Variants in LEPR observed in about 807,000 individuals in gnomAD.
LEPR encodes the protein leptin receptor.
Under a neutral mutation model 114.7 loss-of-function variants are expected in LEPR, and 56 were observed. The observed-to-expected ratio is 0.49, with a 90% CI of 0.39 to 0.61. The LOEUF is 0.61. Ranked by LOEUF, LEPR falls within the 20% of genes least tolerant of loss-of-function variation. The probability of loss-of-function intolerance (pLI) is 0.00; values close to 1 mark genes in which losing one functional copy is unlikely to be tolerated. For synonymous variants in LEPR, 443 were observed against 461.4 expected (o/e 0.96, Z 0.51); for missense variants, 1,202 against 1,352.9 (o/e 0.89, Z 1.75).
intron 2 of LEPR, among the ~76,000 whole-genome samples, chr1:65,506,284 A>G (rs1189392896): frequency 6.6e-6 from 1 of 152,216 alleles, no homozygotes; most frequent in African/African-American, 2.4e-5. Context: ...TAAAGAGGGA[A>G]GTAGTATCTG....
At chr1:65,537,017 T>C (rs1650824732) in intron 2 of LEPR, among the ~76,000 whole-genome samples, 1 of 152,174 alleles carries the variant, frequency 6.6e-6, no homozygotes, top group African/African-American at 2.4e-5. Flanking sequence ...ATGTATGCAA[T>C]CAATAACAAC....
rs574956662 is a variant in LEPR, at chr1:65,433,245, G to A, written c.-21+7867G>A. 3.8e-4 allele frequency: 370 copies of A among 985,372 alleles called. No homozygotes were observed. In the African/African-American group the frequency reaches 5.5e-3, roughly 15 times the overall value. The allele number at this position is 985,372 out of a possible 1,614,324, so 61.0% of individuals were successfully genotyped here. On this transcript the variant is annotated intron_variant, in intron 2 of 19. Transcript: ENST00000349533. ...CTGGCTTCTTCCCGAAGAGATATAG[G>A]AGCCATGTAAGCACGCAGTGGGTGA...
intron 2 of LEPR, among the ~76,000 whole-genome samples, chr1:65,470,694 T>G (rs188963867): frequency 3.9e-5 from 6 of 152,356 alleles, no homozygotes; most frequent in Admixed American, 3.9e-4. Context: ...AACTCTTTTA[T>G]CTATATGTAA....
chr1:65,570,363 G>A (rs1023124632), intron 3 of LEPR, 110 bp from the exon 4 acceptor site: 14 of 1,072,214 alleles, frequency 1.3e-5, no homozygotes, highest in Middle Eastern at 5.5e-4. Context: ...TGAGGACTTA[G>A]AAAGTTAAAT....
chr1:65,629,473 A>G (rs1371272858), intron 19 of LEPR: 13 of 286,254 alleles, frequency 4.5e-5, no homozygotes, highest in Non-Finnish European at 8.7e-5. Flanking sequence ...ATATGTGATT[A>G]CACTTCTCAG....
At chr1:65,424,443 G>A (rs1488120579) in intron 1 of LEPR, among the ~76,000 whole-genome samples, 1 of 152,194 alleles carries the variant, frequency 6.6e-6, no homozygotes, top group Non-Finnish European at 1.5e-5. Flanking sequence ...CTTCACTGGA[G>A]TTATGTGGAC....
At position 65,524,189 on chromosome 1, in the gene LEPR, T is replaced by G. The variant is rs192013087; in HGVS notation, c.-20-41357T>G. Among the ~76,000 whole-genome samples, 49 of 152,334 alleles carry G rather than the reference T, an allele frequency of 3.2e-4. 1 individual carries two copies. The highest frequency in any genetic ancestry group is 6.2e-4 in the Non-Finnish European group (42 of 68,026). ...ACAGCAGACCTAGGAAACTAATATG[T>G]TAGTTCGTACTGATTATTTAATTAA... On this transcript the variant is annotated intron_variant, in intron 2 of 19. Coordinates refer to ENST00000349533, the MANE Select transcript of LEPR (RefSeq NM_002303.6).
intron 2 of LEPR, among the ~76,000 whole-genome samples, chr1:65,503,642 A>G (rs1214686756): frequency 6.6e-6 from 1 of 152,166 alleles, no homozygotes; most frequent in African/African-American, 2.4e-5. Flanking sequence ...TTGAAGTGGG[A>G]GCTTACAGGA....
chr1:65,459,795 C>T (rs1570490856), intron 2 of LEPR, among the ~76,000 whole-genome samples: 1 of 152,202 alleles, frequency 6.6e-6, no homozygotes, highest in Non-Finnish European at 1.5e-5. Context: ...TGGAGGTCCA[C>T]CCTGCCTACT....
intron 2 of LEPR, among the ~76,000 whole-genome samples, chr1:65,459,197 A>C (rs943623430): frequency 2.0e-5 from 3 of 152,192 alleles, no homozygotes; most frequent in Non-Finnish European, 2.9e-5. Context: ...CCCTTGGATG[A>C]TGAAGTTGGC....
chr1:65,517,970 A>G (rs977982047), intron 2 of LEPR, among the ~76,000 whole-genome samples: 2 of 152,218 alleles, frequency 1.3e-5, no homozygotes, highest in African/African-American at 4.8e-5. Context: ...CAATATGTGA[A>G]GTGAACTATA....
chr1:65,434,965 C>T lies in LEPR; in HGVS notation c.-21+9587C>T, dbSNP rs1005768575. 12 of 985,360 alleles carry T rather than the reference C, an allele frequency of 1.2e-5. No homozygotes were observed. The African/African-American group carries it at 1.7e-4, about 14-fold the overall frequency. The allele number at this position is 985,360 out of a possible 1,614,324, so 61.0% of individuals were successfully genotyped here. A position where few individuals can be genotyped will look rare whatever the true frequency, so the allele number is the denominator to read the frequency against. ...CCACATCTGAAATTCCTTTTGACAC[C>T]TGCATTGGGCCGACTGCCATTCCCA... is the stretch of plus-strand genomic sequence containing the variant. On this transcript the variant is annotated intron_variant, in intron 2 of 19. Transcript: ENST00000349533.
intron 2 of LEPR, among the ~76,000 whole-genome samples, chr1:65,488,159 C>CCTTCCTTTCTTTCTTTCTTT (rs1249504387): frequency 6.1e-5 from 4 of 65,482 alleles, no homozygotes; most frequent in African/African-American, 9.8e-5. Context: ...TTCCTTCCTT[C>CCTTCCTTTCTTTCTTTCTTT]CTTTCTTTCT....
intron 8 of LEPR, among the ~76,000 whole-genome samples, chr1:65,599,704 A>T (rs1052696662): frequency 6.7e-6 from 1 of 150,180 alleles, no homozygotes; most frequent in African/African-American, 2.5e-5. Context: ...TTTTACATGG[A>T]TATGAAATAT....
chr1:65,552,862 C>G (rs973761224), intron 2 of LEPR, among the ~76,000 whole-genome samples: 1 of 152,078 alleles, frequency 6.6e-6, no homozygotes, highest in African/African-American at 2.4e-5. Flanking sequence ...ACTGGTTTTT[C>G]CTTTCCATGT....
At chr1:65,630,975 T>C (rs991690406) in intron 19 of LEPR, among the ~76,000 whole-genome samples, 6 of 152,160 alleles carry the variant, frequency 3.9e-5, no homozygotes, top group African/African-American at 1.2e-4. Flanking sequence ...GGCCTCTCTT[T>C]TATTATCTCA....
At chr1:65,626,222 G>A in intron 19 of LEPR, 1 of 1,570,346 alleles carries the variant, frequency 6.4e-7, no homozygotes, top group East Asian at 2.3e-5. Flanking sequence ...CTCTCCCTGA[G>A]GTGTGCACAA....
intron 2 of LEPR, among the ~76,000 whole-genome samples, chr1:65,536,051 A>G (rs1454023290): frequency 6.6e-6 from 1 of 152,132 alleles, no homozygotes; most frequent in African/African-American, 2.4e-5. Context: ...CCACTGATAT[A>G]GTTTGGATAA....
chr1:65,526,272 C>T (rs1649962098), intron 2 of LEPR: 1 of 985,362 alleles, frequency 1.0e-6, no homozygotes, highest in Non-Finnish European at 1.2e-6. Context: ...TGGTTTAGAC[C>T]TCAGCTTTTG....
Sources: allele counts gnomAD v4.1 joint callset (sites outside exome capture counted in the v4.1 genomes callset), GRCh38; gene constraint gnomAD v4.1.1; transcripts MANE v1.5; gene names NCBI Gene and HGNC (gene_info 2026-07-23, HGNC 2026-07-21).